CDV3: variants seen among roughly 807,000 people sequenced by gnomAD.
CDV3 encodes the protein CDV3 homolog, also known as protein CDV3 homolog.
CDV3 carries 14 observed loss-of-function variants against 24.5 expected under a neutral mutation model. That is an observed-to-expected ratio of 0.57 (90% CI 0.38 to 0.89). The LOEUF (loss-of-function observed/expected upper bound fraction) is 0.89, where lower values mean the gene tolerates loss of function less well. Ranked by LOEUF, CDV3 falls within the 40% of genes least tolerant of loss-of-function variation. CDV3 has a pLI of 0.00. For synonymous variants in CDV3, 114 were observed against 114.1 expected (o/e 1.00, Z 0.00); for missense variants, 304 against 310.2 (o/e 0.98, Z 0.15).
intron 4 of CDV3, chr3:133,587,370 C>T (rs768930081): frequency 1.6e-5 from 20 of 1,232,008 alleles, no homozygotes; most frequent in East Asian, 6.5e-5. Flanking sequence ...TAAACCTCCA[C>T]GTGGACTTGC....
chr3:133,575,096 G>A lies in CDV3; in HGVS notation c.298G>A (p.Val100Ile). 6.3e-7 allele frequency: 1 copy of A among 1,587,246 alleles called. No homozygotes were observed. Among genetic ancestry groups the A allele is most frequent in the African/African-American group, 1.3e-5 (1 of 74,572 alleles). ...AGAGGTTGATTACAGCGGCCTCAGG[G>A]TTCAGGCAATGCAAATAAGGTATAG... is the stretch of plus-strand genomic sequence containing the variant. ...QKEVDYSGLR[V>I]QAMQISSEKE... The change falls in exon 2 of 5, where the codon GTT becomes ATT. Residue 100 changes from valine to isoleucine, a missense_variant. Around this residue, in one of 3 missense-constraint regions of CDV3, gnomAD observed 219 missense variants for 203.6 expected, o/e 1.08. Coordinates refer to ENST00000264993, the MANE Select transcript of CDV3 (RefSeq NM_017548.5).
At position 133,588,001 on chromosome 3, in the gene CDV3, T is replaced by G. The variant is rs768657190; in HGVS notation, c.732T>G (p.Tyr244Ter). 7 of 1,613,958 alleles carry G rather than the reference T, an allele frequency of 4.3e-6. No individual in the cohort carries two copies. The highest frequency in any genetic ancestry group is 2.7e-5 in the African/African-American group (2 of 74,916). ...QALKLQLDNQ[Y>*]AVLENQKSSH... ...TTAAACTTCAGCTAGACAACCAATATGCTGTGCTTGAAAATCAGAAAAGCA... is the reference window on the plus strand; with the variant it reads ...TTAAACTTCAGCTAGACAACCAATAGGCTGTGCTTGAAAATCAGAAAAGCA... Residue 244 changes from tyrosine (Y) to a stop codon, truncating the protein, a stop_gained, in exon 5 of 5, where the codon TAT becomes TAG. Coordinates refer to ENST00000264993, the MANE Select transcript of CDV3 (RefSeq NM_017548.5). LOFTEE classifies it high-confidence loss of function.
chr3:133,574,185 G>T lies in CDV3; in HGVS notation c.141G>T (p.Ala47=). 9.8e-7 allele frequency: 1 copy of T among 1,024,544 alleles called. No individual in the cohort carries two copies. The highest frequency in any genetic ancestry group is 1.2e-6 in the Non-Finnish European group (1 of 860,338). 63.5% of individuals were successfully genotyped at this position (1,024,544 alleles called of 1,614,324 possible). A position where few individuals can be genotyped will look rare whatever the true frequency, so the allele number is the denominator to read the frequency against. The change falls in exon 1 of 5, where the codon GCG becomes GCT. Residue 47 remains alanine (A), a synonymous_variant. Transcript: ENST00000264993. The part of the protein sequence containing the change: ...SAGGSSGAAG[A]AGGGAGAGTR... ...GCGGAAGCAGTGGAGCCGCGGGTGC[G>T]GCGGGCGGCGGGGCGGGCGCGGGGA...
chr3:133,577,099 G>A (rs979385693), intron 2 of CDV3, among the ~76,000 whole-genome samples: 2 of 151,878 alleles, frequency 1.3e-5, no homozygotes, highest in South Asian at 4.1e-4. Context: ...GCCCGCCTCA[G>A]CCTCCCAAAG....
At position 133,584,133 on chromosome 3, in the gene CDV3, C is replaced by A. The variant is rs199821949; in HGVS notation, c.449C>A (p.Pro150His). The change falls in exon 3 of 5, where the codon CCT becomes CAT. Residue 150 changes from proline to histidine, a missense_variant. By Grantham distance (77) the Pro-to-His change is moderately conservative (BLOSUM62 -2). Transcript: ENST00000264993. ...AATAAAACAGCTCCAGTACAAGCAC[C>A]TCCTGCTCCAGTAATTGGTAATTTT... ...PWNKTAPVQA[P>H]PAPVIVTETP... 6.3e-7 allele frequency: 1 copy of A among 1,599,650 alleles called. No homozygotes were observed. Among genetic ancestry groups the A allele is most frequent in the Non-Finnish European group, 8.5e-7 (1 of 1,175,706 alleles).
At chr3:133,574,465 C>G (rs552374881) in intron 1 of CDV3, 181 bp downstream of exon 1, 40 of 986,382 alleles carry the variant, frequency 4.1e-5, no homozygotes, top group Non-Finnish European at 4.7e-5. Context: ...GGACCCCTTC[C>G]GATATCCGCG....
intron 3 of CDV3, among the ~76,000 whole-genome samples, chr3:133,584,630 G>C (rs1244617077): frequency 6.6e-6 from 1 of 152,122 alleles, no homozygotes; most frequent in African/African-American, 2.4e-5. Flanking sequence ...TTTGACAGCT[G>C]AGTAAAGACA....
chr3:133,588,356 C>T lies in CDV3; in HGVS notation c.*310C>T, dbSNP rs779234466. 9 of 1,536,030 alleles carry T rather than the reference C, an allele frequency of 5.9e-6. No homozygotes were observed. Among genetic ancestry groups the T allele is most frequent in the African/African-American group, 1.4e-5 (1 of 73,042 alleles). On this transcript the variant is annotated 3_prime_UTR_variant, in exon 5 of 5. Coordinates refer to ENST00000264993, the MANE Select transcript of CDV3 (RefSeq NM_017548.5). ...TTCAAAATCTTTTTATGTTCAGATACTGAGCCTTCATAAGGGTTGACTACC... is the reference window on the plus strand; with the variant it reads ...TTCAAAATCTTTTTATGTTCAGATATTGAGCCTTCATAAGGGTTGACTACC...
intron 4 of CDV3, chr3:133,587,032 C>T: frequency 2.0e-6 from 1 of 498,600 alleles, no homozygotes; most frequent in Non-Finnish European, 3.5e-6. Context: ...AATTAAGTGG[C>T]TTTTGCTCCT....
chr3:133,581,202 C>T (rs1040123540), intron 2 of CDV3, among the ~76,000 whole-genome samples: 2 of 151,964 alleles, frequency 1.3e-5, no homozygotes, highest in Non-Finnish European at 2.9e-5. Flanking sequence ...GGGCAAGACC[C>T]TGTCTCTACA....
In CDV3 at chr3:133,574,038, C is replaced by G. The variant is rs759733713; in HGVS notation, c.-7C>G. ...CCCCACCCATCCGGGTCGAGGAGGCCGAGGCCATGGCTGAGACGGAGGAGC... is the reference window on the plus strand; with the variant it reads ...CCCCACCCATCCGGGTCGAGGAGGCGGAGGCCATGGCTGAGACGGAGGAGC... On this transcript the variant is annotated 5_prime_UTR_variant, in exon 1 of 5. Coordinates refer to ENST00000264993, the MANE Select transcript of CDV3 (RefSeq NM_017548.5). The G allele has an allele frequency of 3.4e-6, 4 of 1,171,432 alleles. No individual in the cohort carries two copies. The highest frequency in any genetic ancestry group is 4.3e-6 in the Non-Finnish European group (4 of 928,296). The allele number at this position is 1,171,432 out of a possible 1,614,324, so 72.6% of individuals were successfully genotyped here.
chr3:133,582,121 C>G (rs1468014031), intron 2 of CDV3, among the ~76,000 whole-genome samples: 8 of 152,046 alleles, frequency 5.3e-5, no homozygotes, highest in African/African-American at 1.4e-4. Context: ...GCAGTCACTT[C>G]TGGTTGGTAG....
At position 133,574,107 on chromosome 3, in the gene CDV3, G is replaced by A. The variant is rs762476551; in HGVS notation, c.63G>A (p.Lys21=). ...TTGCCAAGAGGGACAAGAAGAAGAA[G>A]AAGGAGCGGAGCAACCGGGCGGCGA... is the stretch of plus-strand genomic sequence containing the variant. ...NFFAKRDKKK[K]KERSNRAASA... is the part of the protein sequence containing the mutation. Residue 21 remains lysine (K), a synonymous_variant, in exon 1 of 5, where the codon AAG becomes AAA. Transcript: ENST00000264993. 37 of 1,219,700 alleles carry A rather than the reference G, an allele frequency of 3.0e-5. No individual in the cohort carries two copies. Among genetic ancestry groups the A allele is most frequent in the South Asian group, 6.2e-5 (4 of 64,306 alleles). 75.6% of individuals were successfully genotyped at this position (1,219,700 alleles called of 1,614,324 possible).
intron 3 of CDV3, among the ~76,000 whole-genome samples, chr3:133,584,569 A>T (rs957737560): frequency 1.3e-5 from 2 of 152,224 alleles, no homozygotes; most frequent in African/African-American, 4.8e-5. Flanking sequence ...TTTAACTCCA[A>T]AAGTTTTCAT....
intron 2 of CDV3, 113 bp from the exon 3 acceptor site, chr3:133,583,889 C>A (rs181969008): frequency 3.9e-5 from 28 of 726,820 alleles, no homozygotes; most frequent in Non-Finnish European, 6.1e-5. Context: ...CGTTCAGTCT[C>A]GAAAGAGATT....
chr3:133,584,934 G>C (rs1933430725), intron 3 of CDV3, among the ~76,000 whole-genome samples: 2 of 152,118 alleles, frequency 1.3e-5, no homozygotes, highest in South Asian at 4.1e-4. Flanking sequence ...AATAATGAAA[G>C]TTTAAGAGCA....
intron 2 of CDV3, among the ~76,000 whole-genome samples, chr3:133,579,337 C>G (rs1269380705): frequency 1.3e-5 from 2 of 152,152 alleles, no homozygotes; most frequent in African/African-American, 4.8e-5. Flanking sequence ...TAAAATTTAG[C>G]TGATGGGAAG....
intron 2 of CDV3, among the ~76,000 whole-genome samples, chr3:133,581,593 T>G (rs1933030994): frequency 6.6e-6 from 1 of 152,130 alleles, no homozygotes; most frequent in South Asian, 2.1e-4. Context: ...GAAATTGAGG[T>G]ATAAAGAAAT....
Position 133,584,062 on chromosome 3 carries a change from A to G in CDV3, c.378A>G (p.Glu126=). 6.2e-7 allele frequency: 1 copy of G among 1,610,960 alleles called. No homozygotes were observed. Among genetic ancestry groups the G allele is most frequent in the Non-Finnish European group, 8.5e-7 (1 of 1,177,194 alleles). The stretch of plus-strand genomic sequence containing the variant: ...AAGATCCAGGTGATAACTGGGAAGA[A>G]GGTGGAGGTGGTGGTGGAGGTATGG... The part of the protein sequence containing the change: ...KRQDPGDNWE[E]GGGGGGGMEK... The change falls in exon 3 of 5, where the codon GAA becomes GAG. Residue 126 remains glutamate, a synonymous_variant. Transcript: ENST00000264993.
Sources: allele counts gnomAD v4.1 joint callset (sites outside exome capture counted in the v4.1 genomes callset), GRCh38; gene constraint gnomAD v4.1.1; regional missense constraint gnomAD v4.1.1; transcripts MANE v1.5; gene names NCBI Gene and HGNC (gene_info 2026-07-23, HGNC 2026-07-21).